The following PPARGC1A variants were observed in gnomAD, a reference collection of about 807,000 sequenced individuals.
PPARGC1A encodes peroxisome proliferator-activated receptor gamma coactivator 1-alpha.
Under a neutral mutation model 88.7 loss-of-function variants are expected in PPARGC1A, and 25 were observed. The ratio of observed to expected loss-of-function variants is 0.28; its 90% CI spans 0.21 to 0.39. The LOEUF (loss-of-function observed/expected upper bound fraction) is 0.39. Among genes scored for constraint, PPARGC1A ranks in the 10% least tolerant of loss-of-function variants. The pLI is 1.00. For synonymous variants in PPARGC1A, 363 were observed against 355.6 expected (o/e 1.02, Z -0.24); for missense variants, 880 against 968.7 (o/e 0.91, Z 1.22).
the PPARGC1A span, among the ~76,000 whole-genome samples, chr4:24,317,589 A>C: frequency 4.2e-5 from 6 of 143,196 alleles, no homozygotes; most frequent in Non-Finnish European, 7.6e-5. Context: ...AAAAAAAAAA[A>C]AAAAAAACAC....
chr4:24,145,191 G>A, the PPARGC1A span, among the ~76,000 whole-genome samples: 11 of 151,574 alleles, frequency 7.3e-5, no homozygotes, highest in East Asian at 1.9e-4. Flanking sequence ...CCTCATAACC[G>A]TCCTATAAGC....
chr4:23,988,608 T>C, the PPARGC1A span, among the ~76,000 whole-genome samples: 1 of 147,110 alleles, frequency 6.8e-6, no homozygotes, highest in Non-Finnish European at 1.5e-5. Context: ...AATTAAATTA[T>C]ATAGGGTATG....
At chr4:23,825,740 T>C (rs1395809244) in intron 5 of PPARGC1A, among the ~76,000 whole-genome samples, 1 of 152,154 alleles carries the variant, frequency 6.6e-6, no homozygotes, top group Non-Finnish European at 1.5e-5. Context: ...TAGATTTAGA[T>C]CTACACAGTT....
chr4:23,917,914 T>A, the PPARGC1A span, among the ~76,000 whole-genome samples: 63 of 152,348 alleles, frequency 4.1e-4, 2 homozygotes, highest in East Asian at 0.01. Context: ...TATTAATTAA[T>A]GTTGTGACTT....
chr4:23,852,312 G>A (rs1283420117), intron 2 of PPARGC1A, among the ~76,000 whole-genome samples: 1 of 152,278 alleles, frequency 6.6e-6, no homozygotes, highest in Non-Finnish European at 1.5e-5. Context: ...ACCGCAAATT[G>A]TATCTGAAAT....
At chr4:23,891,579 ATAT>A (rs1406968259), upstream of PPARGC1A, among the ~76,000 whole-genome samples, 1 of 152,168 alleles carries the variant, frequency 6.6e-6, no homozygotes, top group African/African-American at 2.4e-5. Flanking sequence ...CAGACCATAC[ATAT>A]TATAAGAGAT....
the PPARGC1A span, among the ~76,000 whole-genome samples, chr4:24,463,869 T>C: frequency 2.6e-4 from 39 of 152,384 alleles, no homozygotes; most frequent in South Asian, 7.9e-3. Flanking sequence ...TCAACATACA[T>C]GCACGCATAT....
At chr4:24,392,896 C>T in the PPARGC1A span, among the ~76,000 whole-genome samples, 1 of 152,050 alleles carries the variant, frequency 6.6e-6, no homozygotes, top group Admixed American at 6.6e-5. Flanking sequence ...ATCTCTCTTT[C>T]TTTCTGCTTA....
At chr4:23,856,669 G>A (rs1232472595) in intron 2 of PPARGC1A, among the ~76,000 whole-genome samples, 1 of 152,066 alleles carries the variant, frequency 6.6e-6, no homozygotes, top group Non-Finnish European at 1.5e-5. Context: ...TGCATATCAT[G>A]TGCTAGAAAC....
At chr4:24,008,366 A>G in the PPARGC1A span, among the ~76,000 whole-genome samples, 1 of 152,184 alleles carries the variant, frequency 6.6e-6, no homozygotes, top group South Asian at 2.1e-4. Context: ...CCCTTGGCAG[A>G]TATTGACTTA....
chr4:24,217,267 C>G, the PPARGC1A span, among the ~76,000 whole-genome samples: 1 of 152,168 alleles, frequency 6.6e-6, no homozygotes, highest in East Asian at 1.9e-4. Flanking sequence ...GCTTCAACTA[C>G]CTGAGATGTG....
At chr4:24,398,153 T>C in the PPARGC1A span, among the ~76,000 whole-genome samples, 1 of 152,332 alleles carries the variant, frequency 6.6e-6, no homozygotes, top group African/African-American at 2.4e-5. Flanking sequence ...TTTATTAACA[T>C]ATATAGCACA....
At chr4:23,944,748 C>G in the PPARGC1A span, among the ~76,000 whole-genome samples, 2 of 152,168 alleles carry the variant, frequency 1.3e-5, no homozygotes, top group Non-Finnish European at 2.9e-5. Flanking sequence ...GAGCTTCCCC[C>G]TTTGCTAGGC....
At chr4:24,155,855 T>C in the PPARGC1A span, among the ~76,000 whole-genome samples, 1 of 152,118 alleles carries the variant, frequency 6.6e-6, no homozygotes, top group Non-Finnish European at 1.5e-5. Context: ...AGTGGGCAGA[T>C]GCAAGTTACA....
the PPARGC1A span, among the ~76,000 whole-genome samples, chr4:24,095,111 G>A: frequency 1.5e-5 from 2 of 133,994 alleles, no homozygotes; most frequent in African/African-American, 5.8e-5. Context: ...TTTAGAAATA[G>A]GGTCTTTTTT....
the PPARGC1A span, among the ~76,000 whole-genome samples, chr4:24,270,790 T>G: frequency 6.6e-6 from 1 of 152,192 alleles, no homozygotes; most frequent in African/African-American, 2.4e-5. Context: ...ATGTCTAAAC[T>G]CTTAAAATGA....
the PPARGC1A span, among the ~76,000 whole-genome samples, chr4:24,436,769 C>A: frequency 7.2e-6 from 1 of 139,504 alleles, no homozygotes; most frequent in South Asian, 2.3e-4. Flanking sequence ...CGATTGGCCA[C>A]CCCAGAGCCC....
In PPARGC1A at chr4:23,794,284, T is replaced by C. The variant is rs1451936583; in HGVS notation, c.*1538A>G. ...AGAGACTTTACATAAAATCATGATA[T>C]CTTCTAGAAAAATTTTAGATGAGAA... On this transcript the variant is annotated 3_prime_UTR_variant, in exon 13 of 13. Transcript: ENST00000264867. 6.6e-6 allele frequency: 1 copy of C among 152,596 alleles called. No homozygotes were observed. Among genetic ancestry groups the C allele is most frequent in the African/African-American group, 2.4e-5 (1 of 41,450 alleles). 9.5% of individuals were successfully genotyped at this position (152,596 alleles called of 1,614,324 possible).
chr4:24,344,991 C>A, the PPARGC1A span, among the ~76,000 whole-genome samples: 3 of 152,130 alleles, frequency 2.0e-5, no homozygotes, highest in Non-Finnish European at 4.4e-5. Flanking sequence ...ATTATCCCAG[C>A]ACCATTTGTT....
Sources: allele counts gnomAD v4.1 joint callset (sites outside exome capture counted in the v4.1 genomes callset), GRCh38; gene constraint gnomAD v4.1.1; transcripts MANE v1.5; gene names NCBI Gene and HGNC (gene_info 2026-07-23, HGNC 2026-07-21).